Variants in NDUFAF2 observed in about 807,000 individuals in gnomAD.
The protein encoded by NDUFAF2 is NADH dehydrogenase [ubiquinone] 1 alpha subcomplex assembly factor 2.
In NDUFAF2, 13 loss-of-function variants were observed where a neutral mutation model predicts 22.8. The observed-to-expected ratio is 0.57, with a 90% CI of 0.37 to 0.91. The LOEUF (loss-of-function observed/expected upper bound fraction) is 0.91, where lower values mean the gene tolerates loss of function less well. Among genes scored for constraint, NDUFAF2 ranks in the 40% least tolerant of loss-of-function variants. The probability of loss-of-function intolerance (pLI) is 0.01; values close to 1 mark genes in which losing one functional copy is unlikely to be tolerated. For missense variants in NDUFAF2, 162 were observed against 195.2 expected, an observed-to-expected ratio of 0.83 and a Z score of 1.01; for synonymous variants, 53 against 64.2, an observed-to-expected ratio of 0.83 and a Z score of 0.84.
At chr5:60,979,080 T>A (rs962603727) in intron 1 of NDUFAF2, among the ~76,000 whole-genome samples, 1 of 152,174 alleles carries the variant, frequency 6.6e-6, no homozygotes, top group Non-Finnish European at 1.5e-5. Flanking sequence ...AATCCAGTTT[T>A]GAAGGGAAAT....
chr5:60,992,009 C>G (rs1316213086), intron 1 of NDUFAF2, among the ~76,000 whole-genome samples: 1 of 152,108 alleles, frequency 6.6e-6, no homozygotes, highest in Non-Finnish European at 1.5e-5. Context: ...GACATGATGT[C>G]TTATTGTAGT....
intron 3 of NDUFAF2, among the ~76,000 whole-genome samples, chr5:61,105,783 AT>A (rs1251847912): frequency 1.3e-5 from 2 of 151,472 alleles, no homozygotes; most frequent in African/African-American, 4.9e-5. Context: ...TAGTGAAGGA[AT>A]TTATTTTAAA....
chr5:61,126,055 A>G (rs1461618593), intron 3 of NDUFAF2, among the ~76,000 whole-genome samples: 4 of 152,066 alleles, frequency 2.6e-5, no homozygotes, highest in Admixed American at 2.6e-4. Context: ...TTCTGCTTAA[A>G]ATAAGTGTCA....
chr5:60,974,423 T>A (rs1383809054), intron 1 of NDUFAF2, among the ~76,000 whole-genome samples: 1 of 152,188 alleles, frequency 6.6e-6, no homozygotes, highest in African/African-American at 2.4e-5. Flanking sequence ...AGCTTACAGT[T>A]GGCTTATTGT....
intron 1 of NDUFAF2, among the ~76,000 whole-genome samples, chr5:61,072,221 G>A (rs1300927535): frequency 6.6e-6 from 1 of 152,212 alleles, no homozygotes; most frequent in African/African-American, 2.4e-5. Context: ...TTAGTAGCTT[G>A]TAAGTGGTCA....
Position 61,138,337 on chromosome 5 carries a change from A to G in NDUFAF2, c.259-14367A>G, listed in dbSNP as rs545763998. Among the ~76,000 whole-genome samples the G allele has an allele frequency of 1.9e-3, 282 of 152,322 alleles. No homozygotes were observed. The Middle Eastern group carries it at 0.02, about 11-fold the overall frequency. On this transcript the variant is annotated intron_variant, in intron 3 of 3. Coordinates refer to ENST00000296597, the MANE Select transcript of NDUFAF2 (RefSeq NM_174889.5). Reference sequence around the variant, plus strand: ...ATGCACAATTCAAGATAAATTTTGAAGGAAGAATTGATAAAATTTAGTGCT... The same window carrying G: ...ATGCACAATTCAAGATAAATTTTGAGGGAAGAATTGATAAAATTTAGTGCT...
chr5:61,018,181 G>A (rs1382827991), intron 1 of NDUFAF2, among the ~76,000 whole-genome samples: 1 of 152,004 alleles, frequency 6.6e-6, no homozygotes, highest in African/African-American at 2.4e-5. Flanking sequence ...TATTTATATG[G>A]TAAAATAATA....
intron 2 of NDUFAF2, among the ~76,000 whole-genome samples, chr5:61,082,795 A>G (rs1752459827): frequency 6.6e-6 from 1 of 152,118 alleles, no homozygotes; most frequent in East Asian, 1.9e-4. Context: ...AGTTGATTCC[A>G]CTTTTTTGCT....
At chr5:61,051,253 C>T (rs943891167) in intron 1 of NDUFAF2, among the ~76,000 whole-genome samples, 14 of 152,164 alleles carry the variant, frequency 9.2e-5, no homozygotes, top group African/African-American at 3.4e-4. Context: ...TCCCATTTCT[C>T]TTTACTTCAC....
chr5:60,979,336 G>A (rs1027496535), intron 1 of NDUFAF2, among the ~76,000 whole-genome samples: 6 of 152,074 alleles, frequency 3.9e-5, no homozygotes, highest in African/African-American at 7.2e-5. Flanking sequence ...CCACAGCAGG[G>A]TAGAGCACTA....
chr5:61,023,179 T>C (rs1751607615), intron 1 of NDUFAF2, among the ~76,000 whole-genome samples: 1 of 152,150 alleles, frequency 6.6e-6, no homozygotes, highest in African/African-American at 2.4e-5. Context: ...CCATATCAGC[T>C]ATTCTAATCT....
intron 3 of NDUFAF2, among the ~76,000 whole-genome samples, chr5:61,133,307 T>G (rs1405110930): frequency 1.3e-5 from 2 of 152,232 alleles, no homozygotes; most frequent in Admixed American, 1.3e-4. Flanking sequence ...TTGGTTGACT[T>G]TAACTTTCTT....
intron 1 of NDUFAF2, among the ~76,000 whole-genome samples, chr5:61,038,962 G>A (rs1445192645): frequency 1.3e-5 from 2 of 151,762 alleles, no homozygotes; most frequent in Non-Finnish European, 2.9e-5. Flanking sequence ...AGAAGACAAA[G>A]TACAATGTGA....
chr5:61,094,792 C>T (rs1450509466), intron 2 of NDUFAF2, among the ~76,000 whole-genome samples: 1 of 152,202 alleles, frequency 6.6e-6, no homozygotes, highest in East Asian at 1.9e-4. Context: ...TAGACATCAC[C>T]AATGAAGGCT....
intron 2 of NDUFAF2, among the ~76,000 whole-genome samples, chr5:61,090,601 G>GAT (rs1419380975): frequency 6.6e-6 from 1 of 151,922 alleles, no homozygotes; most frequent in Non-Finnish European, 1.5e-5. Flanking sequence ...ACCTTTTATA[G>GAT]ATATATAGTT....
intron 1 of NDUFAF2, among the ~76,000 whole-genome samples, chr5:60,985,398 G>C (rs1418998414): frequency 6.6e-6 from 1 of 152,002 alleles, no homozygotes; most frequent in East Asian, 1.9e-4. Flanking sequence ...ATCTCCTTCA[G>C]TTCTGCTCTG....
intron 1 of NDUFAF2, among the ~76,000 whole-genome samples, chr5:61,024,991 C>G (rs1214411610): frequency 2.0e-5 from 3 of 152,018 alleles, no homozygotes; most frequent in Non-Finnish European, 4.4e-5. Context: ...CTGGCTAACT[C>G]CTATACGTCC....
chr5:61,111,744 GAGT>G (rs1752843998), intron 3 of NDUFAF2, among the ~76,000 whole-genome samples: 4 of 151,808 alleles, frequency 2.6e-5, no homozygotes. Context: ...TCAGCCTCCT[GAGT>G]AGCTGGGACT....
intron 1 of NDUFAF2, among the ~76,000 whole-genome samples, chr5:61,039,890 G>T (rs1292896174): frequency 6.6e-6 from 1 of 151,978 alleles, no homozygotes; most frequent in African/African-American, 2.4e-5. Flanking sequence ...AAATTTTGAG[G>T]AGCCATTACT....
Sources: gnomAD v4.1 joint callset for allele counts (sites outside exome capture counted in the v4.1 genomes callset) on GRCh38, gnomAD v4.1.1 for gene constraint, MANE v1.5 for transcripts, NCBI Gene and HGNC (gene_info 2026-07-23, HGNC 2026-07-21) for gene names.